Variants in BCAT1 observed in about 807,000 individuals in gnomAD.
BCAT1 encodes branched chain amino acid transaminase 1, also known as branched-chain-amino-acid aminotransferase, cytosolic.
BCAT1 carries 48 observed loss-of-function variants against 52.4 expected under a neutral mutation model. That is an observed-to-expected ratio of 0.92 (90% CI 0.73 to 1.16). BCAT1 has a LOEUF of 1.16. Ranked by LOEUF, BCAT1 falls within the 50% of genes most tolerant of loss-of-function variation. The pLI is 0.00. For synonymous variants in BCAT1, 167 were observed against 161.3 expected (o/e 1.04, Z -0.27); for missense variants, 451 against 457.1 (o/e 0.99, Z 0.12).
Position 24,817,358 on chromosome 12 carries a change from C to T in BCAT1, c.*650G>A, listed in dbSNP as rs796357716. On this transcript the variant is annotated 3_prime_UTR_variant, in exon 11 of 11. Transcript: ENST00000261192. ...GGCACAAGACCCTCAGTCTTGTAGTCGCCTGACAGCCAGCCAGCTACAACA... is the reference window on the plus strand; with the variant it reads ...GGCACAAGACCCTCAGTCTTGTAGTTGCCTGACAGCCAGCCAGCTACAACA... The T allele has an allele frequency of 1.3e-4, 20 of 152,940 alleles. No individual in the cohort carries two copies. The highest frequency in any genetic ancestry group is 3.6e-4 in the African/African-American group (15 of 41,568). The allele number at this position is 152,940 out of a possible 1,614,324, so 9.5% of individuals were successfully genotyped here.
At chr12:24,835,779 C>T (rs766344433) in intron 8 of BCAT1, among the ~76,000 whole-genome samples, 2 of 151,748 alleles carry the variant, frequency 1.3e-5, no homozygotes, top group African/African-American at 2.4e-5. Flanking sequence ...TTTGTAGATT[C>T]GGGGTCTCAC....
intron 1 of BCAT1, among the ~76,000 whole-genome samples, chr12:24,917,333 C>A (rs1168245176): frequency 6.6e-6 from 1 of 152,154 alleles, no homozygotes; most frequent in Non-Finnish European, 1.5e-5. Context: ...CGCCCGCCAC[C>A]ACGCCCGGCT....
intron 5 of BCAT1, among the ~76,000 whole-genome samples, chr12:24,859,481 C>T (rs1233516008): frequency 1.3e-5 from 2 of 151,892 alleles, no homozygotes; most frequent in Admixed American, 6.6e-5. Context: ...ATTAGCCAAG[C>T]GTAGTGGCGG....
chr12:24,882,047 G>C (rs1180676020), intron 3 of BCAT1, among the ~76,000 whole-genome samples: 1 of 152,196 alleles, frequency 6.6e-6, no homozygotes, highest in African/African-American at 2.4e-5. Flanking sequence ...AATAATTTTA[G>C]TGGGAAAATT....
chr12:24,849,727 CACTA>C, intron 6 of BCAT1, 55 bp downstream of exon 6: 1 of 1,503,472 alleles, frequency 6.7e-7, no homozygotes. Flanking sequence ...AGTGAAATGG[CACTA>C]ACTAAATGGT....
At chr12:24,934,065 C>T (rs1943718972) in intron 1 of BCAT1, among the ~76,000 whole-genome samples, 1 of 152,142 alleles carries the variant, frequency 6.6e-6, no homozygotes, top group Non-Finnish European at 1.5e-5. Flanking sequence ...CTAGTTTCTG[C>T]CGGCATTCAC....
chr12:24,902,918 C>T (rs939151414), intron 1 of BCAT1: 36 of 1,511,872 alleles, frequency 2.4e-5, no homozygotes, highest in Non-Finnish European at 3.2e-5. Context: ...AATCCTCCCC[C>T]CTTCCGCAAA....
rs1446555991 is a variant in BCAT1 at position 24,816,376 on chromosome 12, C to T, written c.*1632G>A. ...CCAAAATACAATGTCTGAGAGTTGA[C>T]CTTCCAAGGAAAAATGTTTTCTGTC... On this transcript the variant is annotated 3_prime_UTR_variant, in exon 11 of 11. Coordinates refer to ENST00000261192, the MANE Select transcript of BCAT1 (RefSeq NM_005504.7). 10 of 396,012 alleles carry T rather than the reference C, an allele frequency of 2.5e-5. No individual in the cohort carries two copies. The East Asian group carries it at 2.9e-4, about 11-fold the overall frequency. 24.5% of individuals were successfully genotyped at this position (396,012 alleles called of 1,614,324 possible).
At chr12:24,915,468 A>G (rs944322318) in intron 1 of BCAT1, among the ~76,000 whole-genome samples, 13 of 152,198 alleles carry the variant, frequency 8.5e-5, no homozygotes, top group Non-Finnish European at 1.9e-4. Context: ...AAATCTTTAC[A>G]TTTCTTCAGG....
intron 1 of BCAT1, among the ~76,000 whole-genome samples, chr12:24,911,423 C>T (rs904029149): frequency 2.6e-5 from 4 of 152,208 alleles, no homozygotes; most frequent in Admixed American, 2.6e-4. Flanking sequence ...GCCCTCCTCT[C>T]CCCTCAGGAC....
chr12:24,837,044 A>G (rs377229914), intron 7 of BCAT1, among the ~76,000 whole-genome samples: 19,395 of 94,306 alleles, frequency 0.21, 2,911 homozygotes, highest in Middle Eastern at 0.33. Context: ...AAGAAAAAAG[A>G]AAAGAAAAGA....
chr12:24,909,770 C>A (rs1040504906), intron 1 of BCAT1, among the ~76,000 whole-genome samples: 3 of 152,244 alleles, frequency 2.0e-5, no homozygotes, highest in Non-Finnish European at 4.4e-5. Flanking sequence ...AGCATATACA[C>A]TAACTGGCCA....
chr12:24,943,766 C>T (rs532839027), intron 1 of BCAT1, among the ~76,000 whole-genome samples: 8 of 152,186 alleles, frequency 5.3e-5, no homozygotes, highest in South Asian at 2.1e-4. Context: ...GGGCAGATCA[C>T]GAGGTCAGGA....
intron 5 of BCAT1, among the ~76,000 whole-genome samples, chr12:24,875,677 A>T (rs1346003417): frequency 1.3e-5 from 2 of 152,210 alleles, no homozygotes; most frequent in Non-Finnish European, 2.9e-5. Context: ...CTTGGATTCC[A>T]TATGTGTATT....
chr12:24,843,574 G>A (rs577221134), intron 6 of BCAT1, among the ~76,000 whole-genome samples: 1 of 152,142 alleles, frequency 6.6e-6, no homozygotes, highest in East Asian at 1.9e-4. Flanking sequence ...CTGCACTCCA[G>A]CCTGGGTGAC....
At position 24,901,873 on chromosome 12, in the gene BCAT1, C is replaced by G. The variant is rs775198605; in HGVS notation, c.19G>C (p.Gly7Arg). The G allele has an allele frequency of 1.2e-6, 2 of 1,613,974 alleles. No individual in the cohort carries two copies. The highest frequency in any genetic ancestry group is 1.1e-5 in the South Asian group (1 of 91,044). Residue 7 changes from glycine (G) to arginine (R), a missense_variant, in exon 2 of 11, where the codon GGA becomes CGA. Transcript: ENST00000261192. MKDCSN[G>R]CSAECTGEGG... Reference sequence around the variant, plus strand: ...TCTCCGGTACACTCTGCGGAGCATCCGTTACTGCAATCCTTAAAGAAGAAT... The same window carrying G: ...TCTCCGGTACACTCTGCGGAGCATCGGTTACTGCAATCCTTAAAGAAGAAT...
At chr12:24,832,978 A>T in intron 8 of BCAT1, 115 bp from the exon 9 acceptor site, 6 of 1,156,940 alleles carry the variant, frequency 5.2e-6, no homozygotes, top group South Asian at 1.7e-5. Context: ...GGTCACAATC[A>T]TCCTTTAAGG....
At chr12:24,859,146 A>C (rs564451061) in intron 5 of BCAT1, among the ~76,000 whole-genome samples, 1 of 152,380 alleles carries the variant, frequency 6.6e-6, no homozygotes, top group Non-Finnish European at 1.5e-5. Context: ...AGGTTTTCTT[A>C]AGAATTGGAT....
chr12:24,902,308 T>C lies in BCAT1; in HGVS notation c.7-423A>G, dbSNP rs1197066005. On this transcript the variant is annotated intron_variant, in intron 1 of 10. Coordinates refer to ENST00000261192, the MANE Select transcript of BCAT1 (RefSeq NM_005504.7). ...GGTCTTGTCAATCACAGACGCACAA[T>C]AGCAAGCCTGCAAAGGGAACGGGGA... 10 of 1,274,120 alleles carry C rather than the reference T, an allele frequency of 7.8e-6. No homozygotes were observed. In the Admixed American group the frequency reaches 1.2e-4, roughly 15 times the overall value. 78.9% of individuals were successfully genotyped at this position (1,274,120 alleles called of 1,614,324 possible). A position where few individuals can be genotyped will look rare whatever the true frequency, so the allele number is the denominator to read the frequency against.
Sources: gnomAD v4.1 joint callset for allele counts (sites outside exome capture counted in the v4.1 genomes callset) on GRCh38, gnomAD v4.1.1 for gene constraint, MANE v1.5 for transcripts, NCBI Gene and HGNC (gene_info 2026-07-23, HGNC 2026-07-21) for gene names.